PRKN: variants seen among roughly 807,000 people sequenced by gnomAD.
The protein encoded by PRKN is E3 ubiquitin-protein ligase parkin.
A neutral mutation model predicts 59.5 loss-of-function variants in PRKN; 56 were observed. That is an observed-to-expected ratio of 0.94 (90% CI 0.76 to 1.18). The LOEUF (loss-of-function observed/expected upper bound fraction) is 1.18, where lower values mean the gene tolerates loss of function less well. PRKN is among the 50% of genes most tolerant of loss of function. The pLI, the probability that PRKN is intolerant of heterozygous loss-of-function variation, is 0.00. For missense variants in PRKN, 657 were observed against 596.4 expected (o/e 1.10, Z -1.06); for synonymous variants, 250 against 222.1 (o/e 1.13, Z -1.12).
At chr6:161,679,677 C>A (rs868339138) in intron 7 of PRKN, among the ~76,000 whole-genome samples, 4 of 132,106 alleles carry the variant, frequency 3.0e-5, no homozygotes, top group South Asian at 2.6e-4. Flanking sequence ...TAGAACCACC[C>A]CCCCCCCTTT....
chr6:162,011,235 A>ACTATATTATATATAATATAGTATAT (rs1562458427), intron 5 of PRKN, among the ~76,000 whole-genome samples: 3 of 2,486 alleles, frequency 1.2e-3, no homozygotes, highest in African/African-American at 2.2e-3. Flanking sequence ...TATAATATAT[A>ACTATATTATATATAATATAGTATAT]ATTTATAATA....
At chr6:161,745,061 A>G (rs554005402) in intron 7 of PRKN, among the ~76,000 whole-genome samples, 1 of 152,310 alleles carries the variant, frequency 6.6e-6, no homozygotes, top group South Asian at 2.1e-4. Context: ...ATTGGAACGT[A>G]GGCAGTTTTA....
At chr6:162,671,327 C>T (rs868194660) in intron 1 of PRKN, among the ~76,000 whole-genome samples, 17 of 151,938 alleles carry the variant, frequency 1.1e-4, no homozygotes, top group African/African-American at 3.6e-4. Context: ...GGTGAAACCT[C>T]GTCTCTACTG....
intron 1 of PRKN, among the ~76,000 whole-genome samples, chr6:162,701,690 CT>C (rs35606678): frequency 4.6e-4 from 68 of 148,256 alleles, no homozygotes; most frequent in Non-Finnish European, 4.3e-4. Flanking sequence ...TCTTCACTCT[CT>C]TTTTTTTTTG....
At chr6:161,740,824 T>G (rs963268852) in intron 7 of PRKN, among the ~76,000 whole-genome samples, 29 of 152,114 alleles carry the variant, frequency 1.9e-4, no homozygotes, top group African/African-American at 6.8e-4. Context: ...AAGAAGAAAG[T>G]CTATCAAAAA....
rs1789135561 is a variant in PRKN, at chr6:161,760,225, G to A, written c.871+25547C>T. On this transcript the variant is annotated intron_variant, in intron 7 of 11. Coordinates refer to ENST00000366898, the MANE Select transcript of PRKN (RefSeq NM_004562.3). ...AACATTGTAAGACTGAGCTGAATTTGAAAACAATGCCACGATGTCAGACTG... is the reference window on the plus strand; with the variant it reads ...AACATTGTAAGACTGAGCTGAATTTAAAAACAATGCCACGATGTCAGACTG... Among the ~76,000 whole-genome samples, 2 of 137,010 alleles carry A rather than the reference G, an allele frequency of 1.5e-5. 1 individual carries two copies. 89.9% of individuals were successfully genotyped at this position (137,010 alleles called of 152,430 possible). A position where few individuals can be genotyped will look rare whatever the true frequency, so the allele number is the denominator to read the frequency against.
At position 161,527,049 on chromosome 6, in the gene PRKN, A is replaced by T. The variant is rs1452582287; in HGVS notation, c.1083+21805T>A. 3.3e-5 allele frequency among the ~76,000 whole-genome samples: 5 copies of T among 152,194 alleles called. No individual in the cohort carries two copies. The highest frequency in any genetic ancestry group is 5.9e-5 in the Non-Finnish European group (4 of 68,026). On this transcript the variant is annotated intron_variant, in intron 9 of 11. Coordinates refer to ENST00000366898, the MANE Select transcript of PRKN (RefSeq NM_004562.3). The surrounding 1 kb of genome is among the most constrained non-coding windows in gnomAD (Gnocchi z 4.6). The stretch of plus-strand genomic sequence containing the variant: ...TAAAAGTTGTTTCAGTGCATCTCTC[A>T]GAAGAATCTGTGATCACCTGTGACA...
At chr6:161,590,913 G>T (rs1185224481) in intron 7 of PRKN, among the ~76,000 whole-genome samples, 2 of 152,140 alleles carry the variant, frequency 1.3e-5, no homozygotes, top group East Asian at 3.8e-4. Context: ...GCAACTGGAT[G>T]CAACATGTGA....
At chr6:161,687,976 T>C (rs1785630751) in intron 7 of PRKN, among the ~76,000 whole-genome samples, 1 of 152,220 alleles carries the variant, frequency 6.6e-6, no homozygotes, top group African/African-American at 2.4e-5. Flanking sequence ...TTTGTTTTTT[T>C]CTTTTCATTC....
rs1029652502 is a variant in PRKN at position 161,547,921 on chromosome 6, C to A, written c.1083+933G>T. Among the ~76,000 whole-genome samples, 2 of 152,178 alleles carry A rather than the reference C, an allele frequency of 1.3e-5. No individual in the cohort carries two copies. The highest frequency in any genetic ancestry group is 2.9e-5 in the Non-Finnish European group (2 of 68,026). ...TCAACCCAGGATTTTATGAGCCCCA[C>A]TGCATGACATACAGGAAGCTTTACT... On this transcript the variant is annotated intron_variant, in intron 9 of 11. Coordinates refer to ENST00000366898, the MANE Select transcript of PRKN (RefSeq NM_004562.3). This position sits in a 1 kb window ranked among gnomAD's most constrained non-coding sequence, Gnocchi z 4.0.
chr6:162,531,640 AAT>A (rs34535812), intron 1 of PRKN, among the ~76,000 whole-genome samples: 13,214 of 152,132 alleles, frequency 0.087, 722 homozygotes, highest in South Asian at 0.18. Flanking sequence ...AGGGTCTGCA[AAT>A]ATCTCAAGCA....
intron 6 of PRKN, among the ~76,000 whole-genome samples, chr6:161,789,417 G>T (rs935306893): frequency 1.3e-5 from 2 of 152,094 alleles, no homozygotes; most frequent in African/African-American, 4.8e-5. Context: ...CAGCTGGGAA[G>T]GTCCTTGCGT....
chr6:161,902,042 C>T (rs1159696655), intron 6 of PRKN, among the ~76,000 whole-genome samples: 1 of 152,152 alleles, frequency 6.6e-6, no homozygotes, highest in Non-Finnish European at 1.5e-5. Context: ...TCTTCCCAAA[C>T]GAAAGGCAAA....
At chr6:161,653,829 T>A (rs1162014136) in intron 7 of PRKN, among the ~76,000 whole-genome samples, 1 of 152,196 alleles carries the variant, frequency 6.6e-6, no homozygotes, top group Admixed American at 6.5e-5. Context: ...GATTCTTTGA[T>A]GTAACTGTGA....
chr6:162,063,844 C>T (rs1253513278), intron 4 of PRKN, among the ~76,000 whole-genome samples: 1 of 152,180 alleles, frequency 6.6e-6, no homozygotes, highest in Non-Finnish European at 1.5e-5. Flanking sequence ...AGCGCGCAGC[C>T]CTGGAATTTC....
At chr6:162,490,198 T>C (rs1792740391) in intron 1 of PRKN, among the ~76,000 whole-genome samples, 1 of 152,172 alleles carries the variant, frequency 6.6e-6, no homozygotes, top group Non-Finnish European at 1.5e-5. Flanking sequence ...TCTGGGTTAT[T>C]GCCTCATGAG....
intron 1 of PRKN, among the ~76,000 whole-genome samples, chr6:162,539,691 G>A (rs1778848377): frequency 6.6e-6 from 1 of 152,164 alleles, no homozygotes; most frequent in African/African-American, 2.4e-5. Context: ...CCCAATAACA[G>A]AAGAAAATCC....
chr6:162,604,622 GTC>G (rs57299228), intron 1 of PRKN, among the ~76,000 whole-genome samples: 3,249 of 151,306 alleles, frequency 0.021, 120 homozygotes, highest in African/African-American at 0.074. Context: ...TACATATGAA[GTC>G]TCTGGTGTGT....
chr6:161,386,764 G>A lies in PRKN; in HGVS notation c.1167+30C>T, dbSNP rs982012304. On this transcript the variant is annotated intron_variant, in intron 10 of 11. Coordinates refer to ENST00000366898, the MANE Select transcript of PRKN (RefSeq NM_004562.3). The surrounding 1 kb of genome is among the most constrained non-coding windows in gnomAD (Gnocchi z 4.3). ...AGTCCCCCACTGTATCCGGAGCCCT[G>A]CTTGGAGGAATGAGTAGGGCATTCT... 9.8e-6 allele frequency: 15 copies of A among 1,529,834 alleles called. No homozygotes were observed. The highest frequency in any genetic ancestry group is 1.3e-5 in the Non-Finnish European group (14 of 1,103,374). 94.8% of individuals were successfully genotyped at this position (1,529,834 alleles called of 1,614,324 possible).
Sources: gnomAD v4.1 joint callset for allele counts (sites outside exome capture counted in the v4.1 genomes callset) on GRCh38, gnomAD v4.1.1 for gene constraint, Gnocchi (gnomAD v3.1) non-coding constraint, MANE v1.5 for transcripts, NCBI Gene and HGNC (gene_info 2026-07-23, HGNC 2026-07-21) for gene names.